MARCHF10: variants seen among roughly 807,000 people sequenced by gnomAD.
MARCHF10 encodes the protein membrane associated ring-CH-type finger 10.
A neutral mutation model predicts 76.2 loss-of-function variants in MARCHF10; 64 were observed. The ratio of observed to expected loss-of-function variants is 0.84; its 90% CI spans 0.69 to 1.03. The LOEUF is 1.03. MARCHF10 is among the 50% of genes least tolerant of loss of function. The probability of loss-of-function intolerance (pLI) is 0.00; values close to 1 mark genes in which losing one functional copy is unlikely to be tolerated. For missense variants in MARCHF10, 875 were observed against 958.0 expected, an observed-to-expected ratio of 0.91 and a Z score of 1.14; for synonymous variants, 340 against 357.5, an observed-to-expected ratio of 0.95 and a Z score of 0.55.
rs978117414 is a variant in MARCHF10 at position 62,739,759 on chromosome 17, C to T, written c.536-2427G>A. ...AGCGCTGGAACCGGAATCTTCCGGT[C>T]ATTCCCTGAACGCACATGACCCATC... On this transcript the variant is annotated intron_variant, in intron 5 of 10. Transcript: ENST00000311269. Among the ~76,000 whole-genome samples, 27 of 152,180 alleles carry T rather than the reference C, an allele frequency of 1.8e-4. 1 individual carries two copies. The highest frequency in any genetic ancestry group is 6.3e-4 in the African/African-American group (26 of 41,436).
chr17:62,795,382 A>T (rs9893305), intron 2 of MARCHF10, among the ~76,000 whole-genome samples: 10 of 111,998 alleles, frequency 8.9e-5, no homozygotes, highest in East Asian at 8.0e-4. Context: ...AAAAAAAAAA[A>T]AAGAAGCTAG....
chr17:62,784,311 C>A (rs1158974481), intron 3 of MARCHF10, among the ~76,000 whole-genome samples: 1 of 152,052 alleles, frequency 6.6e-6, no homozygotes, highest in African/African-American at 2.4e-5. Context: ...AGGCCTTTGA[C>A]AAAATTCAAC....
intron 4 of MARCHF10, among the ~76,000 whole-genome samples, chr17:62,745,669 G>A (rs1201466952): frequency 3.3e-5 from 5 of 152,172 alleles, no homozygotes; most frequent in African/African-American, 1.2e-4. Flanking sequence ...GTGTTGGGAC[G>A]ATATTCATAG....
chr17:62,798,243 G>A (rs1454664354), intron 2 of MARCHF10, among the ~76,000 whole-genome samples: 1 of 152,006 alleles, frequency 6.6e-6, no homozygotes. Flanking sequence ...TAACATTTGA[G>A]AGCCAGGGAG....
At chr17:62,708,243 CTT>C (rs60147578) in intron 9 of MARCHF10, among the ~76,000 whole-genome samples, 3 of 144,584 alleles carry the variant, frequency 2.1e-5, no homozygotes, top group African/African-American at 7.7e-5. Flanking sequence ...AAAGTAGGTT[CTT>C]TTTTTTTTTT....
At chr17:62,798,360 A>G (rs937367708) in intron 2 of MARCHF10, among the ~76,000 whole-genome samples, 2 of 151,886 alleles carry the variant, frequency 1.3e-5, no homozygotes, top group Non-Finnish European at 2.9e-5. Flanking sequence ...ATGGAGGCTC[A>G]TGCCTATAAT....
intron 2 of MARCHF10, among the ~76,000 whole-genome samples, chr17:62,792,206 G>A (rs570167435): frequency 6.6e-6 from 1 of 152,036 alleles, no homozygotes; most frequent in Admixed American, 6.5e-5. Context: ...CACTGTGGGG[G>A]CAAAATGCAG....
chr17:62,753,401 C>T (rs549352956), intron 4 of MARCHF10, among the ~76,000 whole-genome samples: 85 of 152,336 alleles, frequency 5.6e-4, no homozygotes, highest in African/African-American at 2.0e-3. Flanking sequence ...GCCACCACGC[C>T]TGGCCCTAAA....
In MARCHF10 at chr17:62,801,459, G is replaced by T. The variant is rs565392268; in HGVS notation, c.90+187C>A. The stretch of plus-strand genomic sequence containing the variant: ...TGAGCCACCGTGCCCAGCTATCCCC[G>T]TTTTTTTTTTTTTTTTTACAGACGA... On this transcript the variant is annotated intron_variant, in intron 2 of 10. Transcript: ENST00000311269. 1.3e-4 allele frequency among the ~76,000 whole-genome samples: 18 copies of T among 137,118 alleles called. No homozygotes were observed. In the South Asian group the frequency reaches 2.8e-3, roughly 22 times the overall value. The allele number at this position is 137,118 out of a possible 152,430, so 90.0% of individuals were successfully genotyped here.
chr17:62,788,085 C>A (rs1288100699), intron 3 of MARCHF10, among the ~76,000 whole-genome samples: 1 of 152,158 alleles, frequency 6.6e-6, no homozygotes, highest in Admixed American at 6.5e-5. Context: ...AAACTAGGCC[C>A]AACCTTGCAT....
At chr17:62,729,859 C>T (rs1354227665) in intron 6 of MARCHF10, among the ~76,000 whole-genome samples, 1 of 147,940 alleles carries the variant, frequency 6.8e-6, no homozygotes, top group African/African-American at 2.5e-5. Flanking sequence ...ATGGCATGAG[C>T]CACCATGCTC....
intron 9 of MARCHF10, among the ~76,000 whole-genome samples, chr17:62,705,906 C>T (rs913643852): frequency 1.3e-5 from 2 of 152,218 alleles, no homozygotes; most frequent in Non-Finnish European, 2.9e-5. Flanking sequence ...CATTTACAGG[C>T]TGTGGGGGTG....
chr17:62,803,203 G>A (rs2093106138), intron 1 of MARCHF10, among the ~76,000 whole-genome samples: 1 of 151,870 alleles, frequency 6.6e-6, no homozygotes, highest in Non-Finnish European at 1.5e-5. Context: ...TGGGAGGATC[G>A]CTTCAGCCCA....
intron 5 of MARCHF10, among the ~76,000 whole-genome samples, chr17:62,742,378 C>A (rs2091546919): frequency 6.6e-6 from 1 of 152,142 alleles, no homozygotes; most frequent in Non-Finnish European, 1.5e-5. Flanking sequence ...TGAGAGCTTT[C>A]TGCATATTAT....
chr17:62,774,420 G>T (rs1455762556), intron 3 of MARCHF10, among the ~76,000 whole-genome samples: 1 of 152,148 alleles, frequency 6.6e-6, no homozygotes, highest in East Asian at 1.9e-4. Flanking sequence ...TGGCAGGAAT[G>T]ACAAGGGGGA....
intron 3 of MARCHF10, among the ~76,000 whole-genome samples, chr17:62,767,882 C>G (rs886904592): frequency 6.6e-6 from 1 of 152,126 alleles, no homozygotes; most frequent in African/African-American, 2.4e-5. Flanking sequence ...TCGTTCAGCC[C>G]CTGCACCTAC....
chr17:62,765,826 T>C (rs543098213), intron 3 of MARCHF10, among the ~76,000 whole-genome samples: 57 of 152,294 alleles, frequency 3.7e-4, no homozygotes, highest in African/African-American at 1.3e-3. Context: ...TGTAGTATTA[T>C]CTGGCTGTAG....
chr17:62,722,545 C>G lies in MARCHF10; in HGVS notation c.2157G>C (p.Leu719=), dbSNP rs1182264588. Residue 719 remains leucine (L), a synonymous_variant, in exon 8 of 11, where the codon CTG becomes CTC. Transcript: ENST00000311269. ...KTCEMCKQGL[L]VDLGDFNMIE... ...TCATGTTAAAGTCACCCAGGTCAAC[C>G]AGCAGGCCTTGCTTACACATCTCAC... is the stretch of plus-strand genomic sequence containing the variant. 1.9e-6 allele frequency: 3 copies of G among 1,613,980 alleles called. No homozygotes were observed. Among genetic ancestry groups the G allele is most frequent in the African/African-American group, 1.3e-5 (1 of 75,022 alleles).
intron 2 of MARCHF10, among the ~76,000 whole-genome samples, chr17:62,795,817 G>A (rs2092975236): frequency 6.6e-6 from 1 of 152,118 alleles, no homozygotes; most frequent in Non-Finnish European, 1.5e-5. Context: ...GCCCTGAAAT[G>A]GGGAATCCCT....
Sources: allele counts gnomAD v4.1 joint callset (sites outside exome capture counted in the v4.1 genomes callset), GRCh38; gene constraint gnomAD v4.1.1; transcripts MANE v1.5; gene names NCBI Gene and HGNC (gene_info 2026-07-23, HGNC 2026-07-21).